Variants in B3GAT3 observed in about 807,000 individuals in gnomAD.
B3GAT3 encodes galactosylgalactosylxylosylprotein 3-beta-glucuronosyltransferase 3.
In B3GAT3, 19 loss-of-function variants were observed where a neutral mutation model predicts 33.1. That is an observed-to-expected ratio of 0.57 (90% CI 0.40 to 0.84). The LOEUF (loss-of-function observed/expected upper bound fraction) is 0.84. B3GAT3 is among the 40% of genes least tolerant of loss of function. The probability of loss-of-function intolerance (pLI) is 0.00; values close to 1 mark genes in which losing one functional copy is unlikely to be tolerated. For synonymous variants in B3GAT3, 167 were observed against 193.5 expected, an observed-to-expected ratio of 0.86 and a Z score of 1.14; for missense variants, 344 against 441.5, an observed-to-expected ratio of 0.78 and a Z score of 1.98.
At chr11:62,616,346 C>G (rs182825684) in intron 4 of B3GAT3, 160 bp downstream of exon 4, 3 of 1,081,522 alleles carry the variant, frequency 2.8e-6, no homozygotes, top group East Asian at 5.2e-5. Flanking sequence ...CACTTTCCCC[C>G]GCTAGTTCCC....
At chr11:62,619,724 T>TTTTTTTTTTTTTTTTTTTTTTTTTTTTG (rs1554969086) in intron 2 of B3GAT3, among the ~76,000 whole-genome samples, 4 of 137,216 alleles carry the variant, frequency 2.9e-5, no homozygotes, top group African/African-American at 1.1e-4. Context: ...TTTTTTTTTT[T>TTTTTTTTTTTTTTTTTTTTTTTTTTTTG]CAGAGACAAG....
At position 62,615,712 on chromosome 11, in the gene B3GAT3, T is replaced by C. The variant is rs1428951498; in HGVS notation, c.997A>G (p.Ile333Val). ...GGGTGGGGCCGCCATCACACCTCAATTGCTGGGTCTGAGCCCCGGCCCTGC... is the reference window on the plus strand; with the variant it reads ...GGGTGGGGCCGCCATCACACCTCAACTGCTGGGTCTGAGCCCCGGCCCTGC... Reference protein sequence around the residue: ...QRQGRGSDPAIEV With the variant: ...QRQGRGSDPAVEV Residue 333 changes from isoleucine (I) to valine (V), a missense_variant, in exon 5 of 5, where the codon ATT becomes GTT. Coordinates refer to ENST00000265471, the MANE Select transcript of B3GAT3 (RefSeq NM_012200.4). 4.3e-6 allele frequency: 7 copies of C among 1,613,704 alleles called. No individual in the cohort carries two copies. Among genetic ancestry groups the C allele is most frequent in the Non-Finnish European group, 5.1e-6 (6 of 1,179,980 alleles).
intron 2 of B3GAT3, among the ~76,000 whole-genome samples, chr11:62,619,698 A>ATTTTTTT (rs1304562769): frequency 1.2e-4 from 3 of 25,410 alleles, no homozygotes; most frequent in East Asian, 4.5e-3. Flanking sequence ...CGCCTAGCTA[A>ATTTTTTT]CTTTTTTTTT....
At chr11:62,620,374 AT>A (rs1318004999) in intron 2 of B3GAT3, 122 bp downstream of exon 2, 6 of 935,612 alleles carry the variant, frequency 6.4e-6, no homozygotes, top group Non-Finnish European at 1.0e-5. Context: ...TGGTTCATTT[AT>A]CCTGTCTTTG....
chr11:62,621,660 G>A (rs1306806649), intron 1 of B3GAT3, among the ~76,000 whole-genome samples: 2 of 152,236 alleles, frequency 1.3e-5, no homozygotes, highest in Admixed American at 6.5e-5. Flanking sequence ...GGGCCTTGCA[G>A]GCTCTGGGAA....
chr11:62,621,565 G>C (rs564163238), intron 1 of B3GAT3, among the ~76,000 whole-genome samples: 6 of 152,186 alleles, frequency 3.9e-5, no homozygotes, highest in Non-Finnish European at 8.8e-5. Flanking sequence ...TCGAGAAACT[G>C]TCAGCAAGCC....
In B3GAT3 at chr11:62,616,234, ACT is replaced by A. The variant is rs549953964; in HGVS notation, c.909+270_909+271del. 1,918 of 567,916 alleles carry A rather than the reference ACT, an allele frequency of 3.4e-3. 10 individuals are homozygous for A. The highest frequency in any genetic ancestry group is 7.5e-3 in the Admixed American group (240 of 31,916). The allele number at this position is 567,916 out of a possible 1,614,324, so 35.2% of individuals were successfully genotyped here. A position where few individuals can be genotyped will look rare whatever the true frequency, so the allele number is the denominator to read the frequency against. On this transcript the variant is annotated intron_variant, in intron 4 of 4. Coordinates refer to ENST00000265471, the MANE Select transcript of B3GAT3 (RefSeq NM_012200.4). ...ACTCCAGCCTGGGTGACACAGCGAG[ACT>A]CTGTCTGAAAAAAAAAAAAAAACAA...
rs145529426 is a variant in B3GAT3 at position 62,616,751 on chromosome 11, C to T, written c.664G>A (p.Gly222Ser). 3 of 1,614,018 alleles carry T rather than the reference C, an allele frequency of 1.9e-6. No homozygotes were observed. Among genetic ancestry groups the T allele is most frequent in the Non-Finnish European group, 2.5e-6 (3 of 1,179,984 alleles). Residue 222 changes from glycine (G) to serine (S), a missense_variant, in exon 4 of 5, where the codon GGC becomes AGC. Physicochemically the swap from Gly to Ser is moderately conservative, Grantham distance 56. Coordinates refer to ENST00000265471, the MANE Select transcript of B3GAT3 (RefSeq NM_012200.4). ...TGAGGGCCCTCGAATCGCAGGCCGCCCACCAGCCCCACAGGCCACACTGAG... is the reference window on the plus strand; with the variant it reads ...TGAGGGCCCTCGAATCGCAGGCCGCTCACCAGCCCCACAGGCCACACTGAG... ...GVSVWPVGLV[G>S]GLRFEGPQVQ... is the part of the protein sequence containing the mutation.
In B3GAT3 at chr11:62,618,440, A is replaced by T. The variant is rs570931905; in HGVS notation, c.258-1093T>A. 6.6e-5 allele frequency among the ~76,000 whole-genome samples: 10 copies of T among 151,940 alleles called. No homozygotes were observed. The East Asian group carries it at 1.9e-3, about 29-fold the overall frequency. On this transcript the variant is annotated intron_variant, in intron 2 of 4. Transcript: ENST00000265471. ...CACTTTGGGAAGCTGAGGCAGGTGG[A>T]TCATGAGGTCAGGAGATCGAGACCA...
Position 62,616,701 on chromosome 11 carries a change from G to T in B3GAT3, c.714C>A (p.Gly238=). The stretch of plus-strand genomic sequence containing the variant: ...TGCTGGGCTCCCATGCTGTGTGGAA[G>T]CCCACTACCCGGCCGTCCTGTACCT... ...GPQVQDGRVV[G]FHTAWEPSRP... Residue 238 remains glycine, a synonymous_variant, in exon 4 of 5, where the codon GGC becomes GGA. Transcript: ENST00000265471. The T allele has an allele frequency of 6.2e-7, 1 of 1,614,162 alleles. No individual in the cohort carries two copies. The highest frequency in any genetic ancestry group is 8.5e-7 in the Non-Finnish European group (1 of 1,180,020).
At chr11:62,618,203 A>AG (rs1943073155) in intron 2 of B3GAT3, among the ~76,000 whole-genome samples, 1 of 151,064 alleles carries the variant, frequency 6.6e-6, no homozygotes, top group African/African-American at 2.4e-5. Flanking sequence ...AAAAAAAAAA[A>AG]ACAAATTAAG....
At chr11:62,619,653 T>C (rs992976638) in intron 2 of B3GAT3, among the ~76,000 whole-genome samples, 17 of 142,262 alleles carry the variant, frequency 1.2e-4, no homozygotes, top group Non-Finnish European at 2.2e-4. Flanking sequence ...CACCTCAGCC[T>C]CCAGAGTAGC....
In B3GAT3 at chr11:62,621,985, G is replaced by C; in HGVS notation, c.-38C>G. Reference sequence around the variant, plus strand: ...GCCCGCGCCCGAGCAGGCGGGGTCTGCAGGGGACGAGGGGTTCCCGCCCCA... The same window carrying C: ...GCCCGCGCCCGAGCAGGCGGGGTCTCCAGGGGACGAGGGGTTCCCGCCCCA... On this transcript the variant is annotated 5_prime_UTR_variant, in exon 1 of 5. Coordinates refer to ENST00000265471, the MANE Select transcript of B3GAT3 (RefSeq NM_012200.4). 6.2e-7 allele frequency: 1 copy of C among 1,610,440 alleles called. No individual in the cohort carries two copies. Among genetic ancestry groups the C allele is most frequent in the South Asian group, 1.1e-5 (1 of 90,942 alleles).
chr11:62,615,500 G>T lies in B3GAT3; in HGVS notation c.*201C>A. The T allele has an allele frequency of 2.1e-6, 2 of 969,650 alleles. No homozygotes were observed. The highest frequency in any genetic ancestry group is 3.0e-6 in the Non-Finnish European group (2 of 658,830). 60.1% of individuals were successfully genotyped at this position (969,650 alleles called of 1,614,324 possible). A position where few individuals can be genotyped will look rare whatever the true frequency, so the allele number is the denominator to read the frequency against. On this transcript the variant is annotated 3_prime_UTR_variant, in exon 5 of 5. Transcript: ENST00000265471. ...ACCTGACTCAACACAAGGGCTGCTT[G>T]TCCCCAGCCTGTGGGCAGTGCCACA...
At chr11:62,619,187 A>G (rs1328560045) in intron 2 of B3GAT3, among the ~76,000 whole-genome samples, 7 of 142,126 alleles carry the variant, frequency 4.9e-5, no homozygotes, top group African/African-American at 1.8e-4. Context: ...AAAAAAAAAA[A>G]GGAACAAACC....
intron 2 of B3GAT3, among the ~76,000 whole-genome samples, chr11:62,617,689 A>G (rs1943060867): frequency 6.6e-6 from 1 of 151,874 alleles, no homozygotes; most frequent in South Asian, 2.1e-4. Context: ...AGCCTGGCCA[A>G]TATGGTGAAA....
chr11:62,617,895 G>T lies in B3GAT3; in HGVS notation c.258-548C>A, dbSNP rs1433457793. ...TCCATCTCAAAAAAAAAAAAAAAAG[G>T]CCGGGCATGTTGGCTCACGCCTATA... On this transcript the variant is annotated intron_variant, in intron 2 of 4. Coordinates refer to ENST00000265471, the MANE Select transcript of B3GAT3 (RefSeq NM_012200.4). Among the ~76,000 whole-genome samples the T allele has an allele frequency of 4.0e-5, 6 of 149,652 alleles. 1 individual carries two copies. Among genetic ancestry groups the T allele is most frequent in the Admixed American group, 1.3e-4 (2 of 15,004 alleles).
rs754472897 is a variant in B3GAT3, at chr11:62,616,691, C to T, written c.724G>A (p.Ala242Thr). The T allele has an allele frequency of 6.2e-7, 1 of 1,614,204 alleles. No homozygotes were observed. Among genetic ancestry groups the T allele is most frequent in the Admixed American group, 1.7e-5 (1 of 60,032 alleles). Residue 242 changes from alanine to threonine, a missense_variant, in exon 4 of 5, where the codon GCA becomes ACA. Coordinates refer to ENST00000265471, the MANE Select transcript of B3GAT3 (RefSeq NM_012200.4). ...GGGAAGGGCCTGCTGGGCTCCCATG[C>T]TGTGTGGAAGCCCACTACCCGGCCG... ...QDGRVVGFHT[A>T]WEPSRPFPVD...
chr11:62,616,435 G>C, intron 4 of B3GAT3, 71 bp downstream of exon 4: 1 of 1,600,408 alleles, frequency 6.2e-7, no homozygotes, highest in Non-Finnish European at 8.6e-7. Flanking sequence ...CATTCCCAGG[G>C]TCTCACTGTA....
Sources: gnomAD v4.1 joint callset for allele counts (sites outside exome capture counted in the v4.1 genomes callset) on GRCh38, gnomAD v4.1.1 for gene constraint, MANE v1.5 for transcripts, NCBI Gene and HGNC (gene_info 2026-07-23, HGNC 2026-07-21) for gene names.